CERS4: variants seen among roughly 807,000 people sequenced by gnomAD.
The protein encoded by CERS4 is LAG1 homolog, ceramide synthase 4.
CERS4 carries 65 observed loss-of-function variants against 51.8 expected under a neutral mutation model. The ratio of observed to expected loss-of-function variants is 1.26; its 90% CI spans 1.03 to 1.54. The LOEUF (loss-of-function observed/expected upper bound fraction) is 1.54. Ranked by LOEUF, CERS4 falls within the 40% of genes most tolerant of loss-of-function variation. The probability of loss-of-function intolerance (pLI) is 0.00; values close to 1 mark genes in which losing one functional copy is unlikely to be tolerated. For missense variants in CERS4, 563 were observed against 500.4 expected (o/e 1.13, Z -1.19); for synonymous variants, 228 against 208.4 (o/e 1.09, Z -0.81).
At chr19:8,245,117 A>AAAAAACAAAACAAACAAAAACAAAAAAAC (rs1968707278) in intron 2 of CERS4, among the ~76,000 whole-genome samples, 3 of 143,092 alleles carry the variant, frequency 2.1e-5, no homozygotes, top group African/African-American at 7.7e-5. Flanking sequence ...ATCTCAAAAA[A>AAAAAACAAAACAAACAAAAACAAAAAAAC]AAAAAAAAAA....
At chr19:8,243,195 A>T (rs1008934914) in intron 2 of CERS4, among the ~76,000 whole-genome samples, 5 of 680 alleles carry the variant, frequency 7.4e-3, no homozygotes, top group African/African-American at 0.011. Context: ...CCCTGTCTCT[A>T]AAAAAAAAAA....
chr19:8,256,318 G>C (rs769229446), intron 7 of CERS4, 32 bp downstream of exon 7: 2 of 1,610,678 alleles, frequency 1.2e-6, no homozygotes, highest in Non-Finnish European at 1.7e-6. Context: ...AATGCTTGGA[G>C]GGTGAGGGCG....
rs866958117 is a variant in CERS4, at chr19:8,251,107, C to T, written c.31C>T (p.Gln11Ter). 3 of 1,607,748 alleles carry T rather than the reference C, an allele frequency of 1.9e-6. No individual in the cohort carries two copies. Among genetic ancestry groups the T allele is most frequent in the East Asian group, 4.5e-5 (2 of 44,324 alleles). The change falls in exon 3 of 12, where the codon CAG becomes TAG. Residue 11 changes from glutamine to a stop codon, truncating the protein, a stop_gained. Transcript: ENST00000251363. LOFTEE classifies it high-confidence loss of function. Reference sequence around the variant, plus strand: ...GTCCAGTTTCAACGAGTGGTTTTGGCAGGACAGGTTCTGGTTACCACCCAA... The same window carrying T: ...GTCCAGTTTCAACGAGTGGTTTTGGTAGGACAGGTTCTGGTTACCACCCAA... MLSSFNEWFW[Q>*]DRFWLPPNVT... is the part of the protein sequence containing the mutation.
At chr19:8,220,057 C>T (rs1456252460) in intron 2 of CERS4, among the ~76,000 whole-genome samples, 1 of 152,072 alleles carries the variant, frequency 6.6e-6, no homozygotes, top group Non-Finnish European at 1.5e-5. Flanking sequence ...TGCCCTCACC[C>T]TGTTGTTTTC....
chr19:8,209,488 C>T lies in CERS4; in HGVS notation c.-165C>T, dbSNP rs1467003178. ...CCCTCGGTGCGCCCGGCCGCCTGCA[C>T]CCCCAGGTAAGCGAGCACCCCGCGC... is the stretch of plus-strand genomic sequence containing the variant. On this transcript the variant is annotated 5_prime_UTR_variant, in exon 1 of 12. Transcript: ENST00000251363. 6.6e-6 allele frequency: 1 copy of T among 151,794 alleles called. No individual in the cohort carries two copies. Among genetic ancestry groups the T allele is most frequent in the African/African-American group, 2.4e-5 (1 of 41,380 alleles). 9.4% of individuals were successfully genotyped at this position (151,794 alleles called of 1,614,324 possible).
chr19:8,242,684 T>C (rs934707326), intron 2 of CERS4, among the ~76,000 whole-genome samples: 1 of 152,052 alleles, frequency 6.6e-6, no homozygotes, highest in African/African-American at 2.4e-5. Flanking sequence ...TGTTGCTTGT[T>C]TTCCCCACCA....
intron 2 of CERS4, among the ~76,000 whole-genome samples, chr19:8,231,494 A>G (rs1051505250): frequency 6.6e-6 from 1 of 152,144 alleles, no homozygotes; most frequent in African/African-American, 2.4e-5. Context: ...AGTCAGCAAG[A>G]GATGTACACA....
Position 8,210,910 on chromosome 19 carries a change from G to C in CERS4, c.-2+48G>C, listed in dbSNP as rs1227111266. 3 of 152,276 alleles carry C rather than the reference G, an allele frequency of 2.0e-5. No individual in the cohort carries two copies. Among genetic ancestry groups the C allele is most frequent in the Non-Finnish European group, 2.9e-5 (2 of 68,138 alleles). 9.4% of individuals were successfully genotyped at this position (152,276 alleles called of 1,614,324 possible). A position where few individuals can be genotyped will look rare whatever the true frequency, so the allele number is the denominator to read the frequency against. On this transcript the variant is annotated intron_variant, in intron 2 of 11. Transcript: ENST00000251363. This position sits in a 1 kb window ranked among gnomAD's most constrained non-coding sequence, Gnocchi z 4.2. Reference sequence around the variant, plus strand: ...GGGGTGGGGGGCGGCCTTGGTCGTTGAACTGGCTGTAGGGCCCCCAGGGAA... The same window carrying C: ...GGGGTGGGGGGCGGCCTTGGTCGTTCAACTGGCTGTAGGGCCCCCAGGGAA...
intron 2 of CERS4, among the ~76,000 whole-genome samples, chr19:8,236,074 T>G (rs1020440404): frequency 2.6e-5 from 4 of 152,158 alleles, no homozygotes; most frequent in African/African-American, 4.8e-5. Context: ...CGGGCACCTG[T>G]AGTCCCAGCT....
intron 2 of CERS4, among the ~76,000 whole-genome samples, chr19:8,224,842 G>A (rs1002045328): frequency 7.2e-5 from 11 of 152,186 alleles, no homozygotes; most frequent in African/African-American, 2.7e-4. Context: ...CCGAGAGGGT[G>A]TGAGATGGAG....
At chr19:8,229,020 TA>T (rs78709327) in intron 2 of CERS4, among the ~76,000 whole-genome samples, 7,515 of 133,362 alleles carry the variant, frequency 0.056, 153 homozygotes, top group South Asian at 0.067. Context: ...AGACTTCATC[TA>T]AAAAAAAAAA....
chr19:8,257,967 T>G lies in CERS4; in HGVS notation c.830T>G (p.Leu277Arg), dbSNP rs1410018678. Residue 277 changes from leucine (L) to arginine (R), a missense_variant, in exon 10 of 12, where the codon CTG becomes CGG. Physicochemically the swap from Leu to Arg is moderately radical, Grantham distance 102. Coordinates refer to ENST00000251363, the MANE Select transcript of CERS4 (RefSeq NM_024552.3). ...TCCTTTGTCTTCTTCTACACCCGAC[T>G]GGTCCTCTTTCCCACCCAGTGAGTC... ...IFSFVFFYTRLVLFPTQILYT... is the reference protein window; with the variant it reads ...IFSFVFFYTRRVLFPTQILYT... 6 of 1,613,814 alleles carry G rather than the reference T, an allele frequency of 3.7e-6. No individual in the cohort carries two copies.
chr19:8,220,998 A>AT (rs937868597), intron 2 of CERS4, among the ~76,000 whole-genome samples: 13 of 148,460 alleles, frequency 8.8e-5, no homozygotes, highest in South Asian at 2.1e-4. Flanking sequence ...ATTTTTTTGT[A>AT]TTTTTTTTAG....
intron 10 of CERS4, among the ~76,000 whole-genome samples, chr19:8,259,149 CAGGA>C (rs1969548434): frequency 6.6e-6 from 1 of 151,408 alleles, no homozygotes; most frequent in South Asian, 2.1e-4. Context: ...AAAAAAAAGT[CAGGA>C]AGGGAGCAGG....
intron 2 of CERS4, among the ~76,000 whole-genome samples, chr19:8,227,394 C>T (rs1248115531): frequency 3.3e-5 from 5 of 151,820 alleles, no homozygotes; most frequent in Non-Finnish European, 5.9e-5. Context: ...TGCAGTGGTG[C>T]GATCTCGGCT....
In CERS4 at chr19:8,251,072, A is replaced by G. The variant is rs771114935; in HGVS notation, c.-1-4A>G. ...TCCCAGCTAACTGGAACCTGTGTCC[A>G]CAGAATGCTGTCCAGTTTCAACGAG... is the stretch of plus-strand genomic sequence containing the variant. On this transcript the variant is annotated splice_polypyrimidine_tract_variant and splice_region_variant and intron_variant, in intron 2 of 11. Transcript: ENST00000251363. 1 of 1,586,262 alleles carries G rather than the reference A, an allele frequency of 6.3e-7. No homozygotes were observed. Among genetic ancestry groups the G allele is most frequent in the East Asian group, 2.3e-5 (1 of 42,976 alleles).
chr19:8,261,559 G>A lies in CERS4; in HGVS notation c.849-129G>A. 10 of 1,042,806 alleles carry A rather than the reference G, an allele frequency of 9.6e-6. No individual in the cohort carries two copies. In the South Asian group the frequency reaches 1.5e-4, roughly 15 times the overall value. The allele number at this position is 1,042,806 out of a possible 1,614,324, so 64.6% of individuals were successfully genotyped here. On this transcript the variant is annotated intron_variant, in intron 10 of 11. Transcript: ENST00000251363. ...CCAGCTCAAGAGTGTTAGGTATCAT[G>A]GGGTGGGGGGCACTAGGGAGCCATA...
chr19:8,224,140 G>T (rs1967681901), intron 2 of CERS4, among the ~76,000 whole-genome samples: 1 of 147,430 alleles, frequency 6.8e-6, no homozygotes, highest in South Asian at 2.2e-4. Flanking sequence ...CAGGCACGGT[G>T]GCCCATGCCT....
chr19:8,227,588 C>T (rs1266226965), intron 2 of CERS4, among the ~76,000 whole-genome samples: 3 of 151,890 alleles, frequency 2.0e-5, no homozygotes, highest in Admixed American at 6.6e-5. Context: ...ATGATCCACC[C>T]GTCTCAGCCT....
Sources: gnomAD v4.1 joint callset for allele counts (sites outside exome capture counted in the v4.1 genomes callset) on GRCh38, gnomAD v4.1.1 for gene constraint, Gnocchi (gnomAD v3.1) non-coding constraint, MANE v1.5 for transcripts, NCBI Gene and HGNC (gene_info 2026-07-23, HGNC 2026-07-21) for gene names.